The following DNAJC21 variants were observed in gnomAD, a reference collection of about 807,000 sequenced individuals.
DNAJC21 encodes dnaJ homolog subfamily C member 21.
DNAJC21 carries 63 observed loss-of-function variants against 72.4 expected under a neutral mutation model. That is an observed-to-expected ratio of 0.87 (90% CI 0.71 to 1.07). The LOEUF (loss-of-function observed/expected upper bound fraction) is 1.07, where lower values mean the gene tolerates loss of function less well. Ranked by LOEUF, DNAJC21 falls within the 50% of genes least tolerant of loss-of-function variation. The pLI is 0.00. For missense variants in DNAJC21, 634 were observed against 644.8 expected (o/e 0.98, Z 0.18); for synonymous variants, 203 against 216.7 (o/e 0.94, Z 0.56).
In DNAJC21 at chr5:34,936,774, G is replaced by A. The variant is rs138634936; in HGVS notation, c.438+508G>A. Among the ~76,000 whole-genome samples, 406 of 151,458 alleles carry A rather than the reference G, an allele frequency of 2.7e-3. 2 individuals carry two copies. The highest frequency in any genetic ancestry group is 9.5e-3 in the African/African-American group (390 of 41,242). ...TTATTTGTTTATTTTTTTTGAGATG[G>A]CATTTCACTTCTGTTGCTCAGGCTG... is the stretch of plus-strand genomic sequence containing the variant. On this transcript the variant is annotated intron_variant, in intron 4 of 11. Transcript: ENST00000648817.
intron 4 of DNAJC21, 109 bp downstream of exon 4, chr5:34,936,375 G>C: frequency 7.5e-7 from 1 of 1,333,936 alleles, no homozygotes; most frequent in Non-Finnish European, 1.0e-6. Context: ...CTGCAGTGCA[G>C]TGGTATGATC....
intron 2 of DNAJC21, among the ~76,000 whole-genome samples, chr5:34,934,413 T>C (rs1355632035): frequency 6.6e-6 from 1 of 150,406 alleles, no homozygotes; most frequent in Non-Finnish European, 1.5e-5. Flanking sequence ...TTTTTTTTAG[T>C]AGAGACGGGG....
intron 7 of DNAJC21, among the ~76,000 whole-genome samples, chr5:34,943,465 G>A (rs778992751): frequency 1.3e-5 from 2 of 152,148 alleles, no homozygotes; most frequent in Non-Finnish European, 2.9e-5. Flanking sequence ...CTCATTTGTC[G>A]TGATAATTTT....
intron 1 of DNAJC21, 197 bp downstream of exon 1, chr5:34,930,113 G>A (rs113219186): frequency 0.068 from 27,624 of 406,610 alleles, 1,175 homozygotes; most frequent in South Asian, 0.11. Context: ...GCGCACCCCG[G>A]CTCACACCCC....
intron 7 of DNAJC21, among the ~76,000 whole-genome samples, chr5:34,942,062 AAC>A (rs750465820): frequency 2.0e-5 from 3 of 152,054 alleles, no homozygotes; most frequent in Non-Finnish European, 4.4e-5. Flanking sequence ...CTGCTTTTAA[AAC>A]ACATGCACTG....
At chr5:34,937,998 C>G (rs560877724) in intron 5 of DNAJC21, among the ~76,000 whole-genome samples, 122 of 151,988 alleles carry the variant, frequency 8.0e-4, no homozygotes, top group African/African-American at 2.9e-3. Context: ...AGGTTTCACC[C>G]TGTTGGCCAG....
intron 7 of DNAJC21, among the ~76,000 whole-genome samples, chr5:34,941,818 C>T (rs762503548): frequency 9.9e-5 from 15 of 151,902 alleles, no homozygotes; most frequent in South Asian, 2.1e-4. Flanking sequence ...CCACCCACCT[C>T]GGCCTCCCAA....
At chr5:34,950,142 G>T (rs74511974) in intron 9 of DNAJC21, 28 bp from the exon 10 acceptor site, 1 of 1,568,292 alleles carries the variant, frequency 6.4e-7, no homozygotes. Flanking sequence ...TATTTATTTT[G>T]TAACGGCACA....
intron 7 of DNAJC21, among the ~76,000 whole-genome samples, chr5:34,941,648 C>T (rs1410828791): frequency 7.2e-6 from 1 of 138,188 alleles, no homozygotes; most frequent in Non-Finnish European, 1.5e-5. Context: ...CTCACTGCAA[C>T]CTCCACCTCC....
intron 1 of DNAJC21, among the ~76,000 whole-genome samples, chr5:34,932,904 C>T (rs1483199337): frequency 6.6e-6 from 1 of 152,248 alleles, no homozygotes; most frequent in African/African-American, 2.4e-5. Flanking sequence ...ACCATTACTT[C>T]TGCCATCTCC....
intron 7 of DNAJC21, among the ~76,000 whole-genome samples, chr5:34,944,224 T>C (rs1279500291): frequency 1.3e-5 from 2 of 152,180 alleles, no homozygotes; most frequent in Non-Finnish European, 2.9e-5. Flanking sequence ...TAGAGATGTG[T>C]CTGAATGTAC....
intron 10 of DNAJC21, chr5:34,951,991 A>G (rs1561192956): frequency 6.1e-6 from 6 of 985,300 alleles, no homozygotes; most frequent in Non-Finnish European, 7.2e-6. Flanking sequence ...AGATAGATAC[A>G]TTATACCCAG....
Position 34,955,188 on chromosome 5 carries a change from T to C in DNAJC21, c.*474T>C, listed in dbSNP as rs1460082816. ...TGACACTGGTTCCGATTTTAAAAAT[T>C]ATTTTTAAATAACCGATTATTGATT... On this transcript the variant is annotated 3_prime_UTR_variant, in exon 12 of 12. Transcript: ENST00000648817. 1 of 152,338 alleles carries C rather than the reference T, an allele frequency of 6.6e-6. No individual in the cohort carries two copies. The highest frequency in any genetic ancestry group is 1.5e-5 in the Non-Finnish European group (1 of 68,082). The allele number at this position is 152,338 out of a possible 1,614,324, so 9.4% of individuals were successfully genotyped here.
Position 34,940,050 on chromosome 5 carries a change from A to G in DNAJC21, c.895+1041A>G, listed in dbSNP as rs1427171361. ...TTTCCATCGAGTTTTACAATTTATA[A>G]AGTCCTTTCACGTACAAGCTCTCAC... On this transcript the variant is annotated intron_variant, in intron 6 of 11. Transcript: ENST00000648817. Among the ~76,000 whole-genome samples, 3 of 152,340 alleles carry G rather than the reference A, an allele frequency of 2.0e-5. No homozygotes were observed. The East Asian group carries it at 5.8e-4, about 29-fold the overall frequency.
chr5:34,935,955 A>G (rs1764756431), intron 3 of DNAJC21, 122 bp downstream of exon 3: 1 of 1,442,078 alleles, frequency 6.9e-7, no homozygotes. Flanking sequence ...TGAAAACTGA[A>G]GATGCATTGC....
Position 34,957,285 on chromosome 5 carries a change from A to G in DNAJC21, c.*2571A>G, listed in dbSNP as rs1765563827. 1 of 152,190 alleles carries G rather than the reference A, an allele frequency of 6.6e-6. No individual in the cohort carries two copies. The highest frequency in any genetic ancestry group is 2.4e-5 in the African/African-American group (1 of 41,446). The allele number at this position is 152,190 out of a possible 1,614,324, so 9.4% of individuals were successfully genotyped here. On this transcript the variant is annotated 3_prime_UTR_variant, in exon 12 of 12. Coordinates refer to ENST00000648817, the MANE Select transcript of DNAJC21 (RefSeq NM_001012339.3). ...TTGATTGAAGTTAGCTCAGATGTGG[A>G]GATTCATAGAATGAGGGTCCAGGAG...
intron 5 of DNAJC21, 76 bp from the exon 6 acceptor site, chr5:34,938,782 A>AT: frequency 7.0e-7 from 1 of 1,424,288 alleles, no homozygotes; most frequent in Non-Finnish European, 9.2e-7. Context: ...GTGGGAATGG[A>AT]TTTTAAACCT....
At chr5:34,948,035 C>G (rs538099939) in intron 9 of DNAJC21, among the ~76,000 whole-genome samples, 21 of 152,052 alleles carry the variant, frequency 1.4e-4, no homozygotes, top group Admixed American at 9.8e-4. Flanking sequence ...TTATTTGATC[C>G]TTGACCCCTC....
intron 6 of DNAJC21, among the ~76,000 whole-genome samples, chr5:34,939,455 C>T (rs907511230): frequency 2.6e-4 from 40 of 151,898 alleles, no homozygotes; most frequent in African/African-American, 8.9e-4. Context: ...TTAGTAGAGA[C>T]GGGGTTTCAC....
Sources: allele counts gnomAD v4.1 joint callset (sites outside exome capture counted in the v4.1 genomes callset), GRCh38; gene constraint gnomAD v4.1.1; transcripts MANE v1.5; gene names NCBI Gene and HGNC (gene_info 2026-07-23, HGNC 2026-07-21).